The following FBH1 variants were observed in gnomAD, a reference collection of about 807,000 sequenced individuals.
The protein encoded by FBH1 is DNA 3'-5' helicase 1.
A neutral mutation model predicts 115.5 loss-of-function variants in FBH1; 43 were observed. The observed-to-expected ratio is 0.37, with a 90% CI of 0.29 to 0.48. The LOEUF is 0.48. Ranked by LOEUF, FBH1 falls within the 20% of genes least tolerant of loss-of-function variation. The probability of loss-of-function intolerance (pLI) is 0.99; values close to 1 mark genes in which losing one functional copy is unlikely to be tolerated. For synonymous variants in FBH1, 524 were observed against 507.8 expected (o/e 1.03, Z -0.43); for missense variants, 1,001 against 1,337.3 (o/e 0.75, Z 3.92).
Position 5,895,058 on chromosome 10 carries a change from T to A in FBH1, c.1+4712T>A. ...ATTGGGCCATTCCCGTTTCACAGGCTGCCATTGGACCTGTCAAGTGCCTGA... is the reference window on the plus strand; with the variant it reads ...ATTGGGCCATTCCCGTTTCACAGGCAGCCATTGGACCTGTCAAGTGCCTGA... On this transcript the variant is annotated intron_variant, in intron 1 of 20. Coordinates refer to ENST00000362091, the MANE Select transcript of FBH1 (RefSeq NM_178150.3). The surrounding 1 kb of genome is among the most constrained non-coding windows in gnomAD (Gnocchi z 5.0). 1 of 1,610,164 alleles carries A rather than the reference T, an allele frequency of 6.2e-7. No individual in the cohort carries two copies. The highest frequency in any genetic ancestry group is 1.3e-5 in the African/African-American group (1 of 74,920).
rs528228130 is a variant in FBH1, at chr10:5,910,526, C to T, written c.1021-412C>T. Among the ~76,000 whole-genome samples the T allele has an allele frequency of 7.6e-4, 115 of 152,228 alleles. No individual in the cohort carries two copies. Among genetic ancestry groups the T allele is most frequent in the African/African-American group, 2.6e-3 (106 of 41,554 alleles). ...TGCGTGCGGCCCTCTCCTGTGTCTG[C>T]GTCTCTCATGCCTCTTGGGTGGGCG... On this transcript the variant is annotated intron_variant, in intron 5 of 20. Transcript: ENST00000362091. The surrounding 1 kb of genome is among the most constrained non-coding windows in gnomAD (Gnocchi z 4.8).
In FBH1 at chr10:5,918,500, G is replaced by A. The variant is rs752029184; in HGVS notation, c.2100+22G>A. 1.9e-6 allele frequency: 3 copies of A among 1,544,332 alleles called. No individual in the cohort carries two copies. In the South Asian group the frequency reaches 3.7e-5, roughly 19 times the overall value. ...GCAGGTAAGTGCGCACTCTGCATGGGAGGCATTGCATCTCTCTCCCAATGT... is the reference window on the plus strand; with the variant it reads ...GCAGGTAAGTGCGCACTCTGCATGGAAGGCATTGCATCTCTCTCCCAATGT... On this transcript the variant is annotated intron_variant, in intron 13 of 20. Coordinates refer to ENST00000362091, the MANE Select transcript of FBH1 (RefSeq NM_178150.3). This position sits in a 1 kb window ranked among gnomAD's most constrained non-coding sequence, Gnocchi z 4.0.
intron 1 of FBH1, among the ~76,000 whole-genome samples, chr10:5,899,196 C>G (rs1019087939): frequency 2.0e-5 from 3 of 152,192 alleles, no homozygotes; most frequent in African/African-American, 4.8e-5. Context: ...CTTTCAGAAG[C>G]CTTCGGTACC....
intron 1 of FBH1, among the ~76,000 whole-genome samples, chr10:5,898,132 C>G (rs999982181): frequency 1.3e-5 from 2 of 152,238 alleles, no homozygotes; most frequent in Admixed American, 6.5e-5. Context: ...CGTGTGCTGC[C>G]TCAGTCCATT....
rs1832615939 is a variant in FBH1, at chr10:5,925,848, A to G, written c.2722+356A>G. ...ATATAGTTTACTTGCTTACCATGGC[A>G]TTTTTTTCCTTTCATTAATTCCTCT... On this transcript the variant is annotated intron_variant, in intron 18 of 20. Transcript: ENST00000362091. The surrounding 1 kb of genome is among the most constrained non-coding windows in gnomAD (Gnocchi z 4.6). 1.3e-5 allele frequency among the ~76,000 whole-genome samples: 2 copies of G among 152,110 alleles called. No homozygotes were observed. The highest frequency in any genetic ancestry group is 1.3e-4 in the Admixed American group (2 of 15,270).
chr10:5,925,612 GA>G lies in FBH1; in HGVS notation c.2722+125del. ...GTGGCCTCCTGGTAGGGCACTTCTG[GA>G]AAAACTAAACCACAAAACACCTCCT... On this transcript the variant is annotated intron_variant, in intron 18 of 20. Transcript: ENST00000362091. The surrounding 1 kb of genome is among the most constrained non-coding windows in gnomAD (Gnocchi z 4.6). The G allele has an allele frequency of 7.0e-7, 1 of 1,434,858 alleles. No homozygotes were observed. 88.9% of individuals were successfully genotyped at this position (1,434,858 alleles called of 1,614,324 possible). A position where few individuals can be genotyped will look rare whatever the true frequency, so the allele number is the denominator to read the frequency against.
At position 5,937,142 on chromosome 10, in the gene FBH1, C is replaced by G. The variant is rs1490210556; in HGVS notation, c.2994C>G (p.Leu998=). 1.2e-6 allele frequency: 2 copies of G among 1,612,222 alleles called. No homozygotes were observed. Among genetic ancestry groups the G allele is most frequent in the Non-Finnish European group, 1.7e-6 (2 of 1,179,060 alleles). ...GGAAGGAAAACAAGGGGGGCTACCT[C>G]TGCCACTCCTGTGCGGAGCAGCGCA... ...SNRKENKGGY[L]CHSCAEQRIG... The change falls in exon 21 of 21, where the codon CTC becomes CTG. Residue 998 remains leucine, a synonymous_variant. Transcript: ENST00000362091.
In FBH1 at chr10:5,903,128, C is replaced by T. The variant is rs114503920; in HGVS notation, c.110C>T (p.Pro37Leu). The change falls in exon 2 of 21, where the codon CCG becomes CTG. Residue 37 changes from proline (P) to leucine (L), a missense_variant. By Grantham distance (98) the Pro-to-Leu change is moderately conservative (BLOSUM62 -3). This residue lies in a region of FBH1 where 420 missense variants were observed against 430.4 expected (regional missense o/e 0.98). Coordinates refer to ENST00000362091, the MANE Select transcript of FBH1 (RefSeq NM_178150.3). ...GGTCAAAGATGGACAAACAGAGATCCGAACCATGGTCTCTATCCTAAACCG... is the reference window on the plus strand; with the variant it reads ...GGTCAAAGATGGACAAACAGAGATCTGAACCATGGTCTCTATCCTAAACCG... ...PFGQRWTNRD[P>L]NHGLYPKPRT... is the part of the protein sequence containing the mutation. The T allele has an allele frequency of 8.0e-4, 1,296 of 1,613,578 alleles. 12 individuals are homozygous for T. The African/African-American group carries it at 0.014, about 18-fold the overall frequency.
rs1039415416 is a variant in FBH1, at chr10:5,911,940, C to T, written c.1211+812C>T. The stretch of plus-strand genomic sequence containing the variant: ...AGAGAAGGTATAGATGCCTTAAGGG[C>T]CTGAAGATGGGAATGAATTTGGGAC... On this transcript the variant is annotated intron_variant, in intron 6 of 20. Coordinates refer to ENST00000362091, the MANE Select transcript of FBH1 (RefSeq NM_178150.3). This position sits in a 1 kb window ranked among gnomAD's most constrained non-coding sequence, Gnocchi z 5.4. Among the ~76,000 whole-genome samples the T allele has an allele frequency of 2.6e-5, 4 of 151,696 alleles. No homozygotes were observed. Among genetic ancestry groups the T allele is most frequent in the Admixed American group, 2.6e-4 (4 of 15,216 alleles).
chr10:5,927,394 A>G (rs1832718340), intron 18 of FBH1, 41 bp from the exon 19 acceptor site: 2 of 1,468,050 alleles, frequency 1.4e-6, no homozygotes, highest in Non-Finnish European at 1.9e-6. Context: ...AAGCTTTTCT[A>G]AGGCTTTTTA....
Position 5,917,089 on chromosome 10 carries a change from A to G in FBH1, c.1789-331A>G. On this transcript the variant is annotated intron_variant, in intron 10 of 20. Coordinates refer to ENST00000362091, the MANE Select transcript of FBH1 (RefSeq NM_178150.3). The surrounding 1 kb of genome is among the most constrained non-coding windows in gnomAD (Gnocchi z 5.6). Reference sequence around the variant, plus strand: ...GAAAGTCTGTTTCTTTTTTTCATCAAGTCTTTTCAATCATGTGCCATTGTT... The same window carrying G: ...GAAAGTCTGTTTCTTTTTTTCATCAGGTCTTTTCAATCATGTGCCATTGTT... The G allele has an allele frequency of 7.4e-6, 2 of 268,920 alleles. No homozygotes were observed. Among genetic ancestry groups the G allele is most frequent in the Non-Finnish European group, 1.4e-5 (2 of 138,414 alleles). The allele number at this position is 268,920 out of a possible 1,614,324, so 16.7% of individuals were successfully genotyped here.
intron 1 of FBH1, among the ~76,000 whole-genome samples, chr10:5,899,025 G>T (rs972481413): frequency 2.0e-5 from 3 of 152,198 alleles, no homozygotes; most frequent in Non-Finnish European, 4.4e-5. Context: ...ACGTTCCAGG[G>T]TTCACCCTGC....
chr10:5,902,873 G>A, intron 1 of FBH1, 147 bp from the exon 2 acceptor site: 1 of 575,536 alleles, frequency 1.7e-6, no homozygotes, highest in Non-Finnish European at 2.8e-6. Context: ...ACAAAGTTGG[G>A]GGGCAAGGGG....
In FBH1 at chr10:5,890,248, G is replaced by T; in HGVS notation, c.-98G>T. On this transcript the variant is annotated 5_prime_UTR_variant, in exon 1 of 21. Coordinates refer to ENST00000362091, the MANE Select transcript of FBH1 (RefSeq NM_178150.3). Reference sequence around the variant, plus strand: ...GCGGGCGTCTCGGGCTCCAGGTCCCGGCCAGAGGAGGAGCTCGCTGCCGGG... The same window carrying T: ...GCGGGCGTCTCGGGCTCCAGGTCCCTGCCAGAGGAGGAGCTCGCTGCCGGG... 8.3e-6 allele frequency: 3 copies of T among 363,380 alleles called. No homozygotes were observed. The East Asian group carries it at 1.3e-4, about 15-fold the overall frequency. The allele number at this position is 363,380 out of a possible 1,614,324, so 22.5% of individuals were successfully genotyped here.
rs1214994220 is a variant in FBH1 at position 5,915,288 on chromosome 10, T to TA, written c.1397-114dup. 1.4e-5 allele frequency: 15 copies of TA among 1,087,720 alleles called. No homozygotes were observed. Among genetic ancestry groups the TA allele is most frequent in the Non-Finnish European group, 2.0e-5 (15 of 767,262 alleles). 67.4% of individuals were successfully genotyped at this position (1,087,720 alleles called of 1,614,324 possible). On this transcript the variant is annotated intron_variant, in intron 8 of 20. Coordinates refer to ENST00000362091, the MANE Select transcript of FBH1 (RefSeq NM_178150.3). This position sits in a 1 kb window ranked among gnomAD's most constrained non-coding sequence, Gnocchi z 5.2. Reference sequence around the variant, plus strand: ...CTTTTACCAGCACTGAAAAACTTGTTACTGTCCTGCTCTCAAGACAGAGGT... The same window carrying TA: ...CTTTTACCAGCACTGAAAAACTTGTTAACTGTCCTGCTCTCAAGACAGAGGT...
intron 9 of FBH1, 119 bp from the exon 10 acceptor site, chr10:5,916,115 A>T: frequency 1.1e-6 from 1 of 870,450 alleles, no homozygotes; most frequent in South Asian, 1.6e-5. Context: ...AAACATTAAC[A>T]CTCGCCTGTG....
Position 5,933,081 on chromosome 10 carries a change from C to G in FBH1, c.2830-3375C>G, listed in dbSNP as rs1833052093. 6.6e-6 allele frequency among the ~76,000 whole-genome samples: 1 copy of G among 152,076 alleles called. No individual in the cohort carries two copies. The highest frequency in any genetic ancestry group is 2.1e-4 in the South Asian group (1 of 4,822). ...GATTGTTATCACTTTAGAGTCCCAC[C>G]AGTTGTATGCATAAGAGTGAAATAG... is the stretch of plus-strand genomic sequence containing the variant. On this transcript the variant is annotated intron_variant, in intron 19 of 20. Coordinates refer to ENST00000362091, the MANE Select transcript of FBH1 (RefSeq NM_178150.3). The surrounding 1 kb of genome is among the most constrained non-coding windows in gnomAD (Gnocchi z 4.9).
intron 2 of FBH1, among the ~76,000 whole-genome samples, chr10:5,905,496 C>T (rs1264803150): frequency 3.9e-5 from 6 of 152,002 alleles, no homozygotes; most frequent in East Asian, 3.9e-4. Context: ...CCAGCCTGGG[C>T]GACAGAGTGG....
At chr10:5,903,465 G>C (rs1843491480) in intron 2 of FBH1, among the ~76,000 whole-genome samples, 1 of 149,222 alleles carries the variant, frequency 6.7e-6, no homozygotes, top group African/African-American at 2.5e-5. Flanking sequence ...TGAGTAGCTG[G>C]GATTGCAGGT....
Sources: gnomAD v4.1 joint callset for allele counts (sites outside exome capture counted in the v4.1 genomes callset) on GRCh38, gnomAD v4.1.1 for gene constraint, gnomAD v4.1.1 regional missense constraint, Gnocchi (gnomAD v3.1) non-coding constraint, MANE v1.5 for transcripts, NCBI Gene and HGNC (gene_info 2026-07-23, HGNC 2026-07-21) for gene names.